GPC5: variants seen among roughly 807,000 people sequenced by gnomAD.
The protein encoded by GPC5 is glypican 5.
Under a neutral mutation model 53.9 loss-of-function variants are expected in GPC5, and 47 were observed. That is an observed-to-expected ratio of 0.87 (90% confidence interval 0.69 to 1.11). GPC5 has a LOEUF of 1.11. Among genes scored for constraint, GPC5 ranks in the 50% most tolerant of loss-of-function variants. The pLI, the probability that GPC5 is intolerant of heterozygous loss-of-function variation, is 0.00. For missense variants in GPC5, 748 were observed against 713.1 expected (o/e 1.05, Z -0.56); for synonymous variants, 286 against 263.3 (o/e 1.09, Z -0.84).
At chr13:92,100,785 A>T (rs192724158) in intron 6 of GPC5, among the ~76,000 whole-genome samples, 27 of 152,316 alleles carry the variant, frequency 1.8e-4, no homozygotes, top group African/African-American at 6.5e-4. Flanking sequence ...ATTGAAAGTC[A>T]GGTTGTGCTA....
intron 7 of GPC5, among the ~76,000 whole-genome samples, chr13:92,580,364 A>G (rs1883331914): frequency 6.6e-6 from 1 of 152,222 alleles, no homozygotes; most frequent in Non-Finnish European, 1.5e-5. Context: ...TGAGTTGCAC[A>G]CTGAAGTAGC....
chr13:91,485,483 G>T (rs904885333), intron 2 of GPC5, among the ~76,000 whole-genome samples: 2 of 152,144 alleles, frequency 1.3e-5, no homozygotes, highest in Non-Finnish European at 2.9e-5. Context: ...CTCCCAAAGT[G>T]CTGGGATTAC....
chr13:92,715,349 A>G (rs1158933553), intron 7 of GPC5, among the ~76,000 whole-genome samples: 4 of 152,198 alleles, frequency 2.6e-5, no homozygotes, highest in Non-Finnish European at 4.4e-5. Flanking sequence ...AACTAATTCC[A>G]CAAGTCTATT....
chr13:91,841,386 G>C (rs2038786212), intron 5 of GPC5, among the ~76,000 whole-genome samples: 1 of 150,006 alleles, frequency 6.7e-6, no homozygotes, highest in South Asian at 2.1e-4. Context: ...AAATATCTTA[G>C]GCCAGCAAAG....
At chr13:91,406,076 T>A (rs376112775) in intron 1 of GPC5, among the ~76,000 whole-genome samples, 3 of 152,294 alleles carry the variant, frequency 2.0e-5, no homozygotes, top group African/African-American at 4.8e-5. Flanking sequence ...CTGGCCCTAA[T>A]TGAAATTTGA....
intron 7 of GPC5, among the ~76,000 whole-genome samples, chr13:92,675,816 G>C (rs1886919592): frequency 6.6e-6 from 1 of 152,098 alleles, no homozygotes; most frequent in Admixed American, 6.6e-5. Context: ...CTTATGCCAT[G>C]AACAAGCAGG....
chr13:91,910,426 T>C (rs563741112), intron 6 of GPC5, among the ~76,000 whole-genome samples: 2 of 152,340 alleles, frequency 1.3e-5, no homozygotes, highest in African/African-American at 2.4e-5. Context: ...TCTATAGATT[T>C]AGATGATCAC....
At chr13:92,628,266 T>G (rs1316543917) in intron 7 of GPC5, among the ~76,000 whole-genome samples, 4 of 37,000 alleles carry the variant, frequency 1.1e-4, no homozygotes, top group Admixed American at 3.3e-4. Flanking sequence ...TTTTCTTTCT[T>G]TTTTTTTTTT....
chr13:91,702,905 G>A (rs1055975065), intron 3 of GPC5, among the ~76,000 whole-genome samples: 1 of 151,908 alleles, frequency 6.6e-6, no homozygotes, highest in Admixed American at 6.6e-5. Flanking sequence ...GAATGGGATT[G>A]TTTTCTTGAT....
intron 7 of GPC5, among the ~76,000 whole-genome samples, chr13:92,425,480 G>A (rs2139367678): frequency 6.6e-6 from 1 of 152,048 alleles, no homozygotes; most frequent in Non-Finnish European, 1.5e-5. Context: ...CTATGGCAAA[G>A]ATTCTATTTT....
rs767196769 is a variant in GPC5, at chr13:92,517,113, C to T, written c.1562-349169C>T. On this transcript the variant is annotated intron_variant, in intron 7 of 7. Coordinates refer to ENST00000377067, the MANE Select transcript of GPC5 (RefSeq NM_004466.6). Reference sequence around the variant, plus strand: ...ATCAGTCTGAGATCCAACTGCAAGGCGGCAGTGAGGCTGGGGGAGGGGCTC... The same window carrying T: ...ATCAGTCTGAGATCCAACTGCAAGGTGGCAGTGAGGCTGGGGGAGGGGCTC... Among the ~76,000 whole-genome samples the T allele has an allele frequency of 3.2e-4, 49 of 152,066 alleles. 1 individual carries two copies. The highest frequency in any genetic ancestry group is 8.7e-4 in the African/African-American group (36 of 41,410).
intron 5 of GPC5, among the ~76,000 whole-genome samples, chr13:91,897,015 T>TTCC (rs1206703055): frequency 3.1e-5 from 2 of 65,352 alleles, no homozygotes; most frequent in Non-Finnish European, 5.7e-5. Flanking sequence ...ACTCCTCCTC[T>TTCC]TCCTCTTCTT....
intron 7 of GPC5, among the ~76,000 whole-genome samples, chr13:92,791,055 A>T (rs1484137007): frequency 1.3e-5 from 2 of 152,088 alleles, no homozygotes; most frequent in Non-Finnish European, 2.9e-5. Context: ...AAAATATTTG[A>T]AATATTTATT....
At chr13:91,507,347 G>A (rs138673371) in intron 2 of GPC5, among the ~76,000 whole-genome samples, 3 of 152,268 alleles carry the variant, frequency 2.0e-5, no homozygotes, top group South Asian at 2.1e-4. Context: ...AGACATACCC[G>A]AGACTGGGTA....
intron 7 of GPC5, among the ~76,000 whole-genome samples, chr13:92,862,564 T>C (rs1462774458): frequency 6.6e-6 from 1 of 152,088 alleles, no homozygotes; most frequent in Non-Finnish European, 1.5e-5. Context: ...GATATATAGA[T>C]ATTTGACTCG....
chr13:92,866,394 A>AT lies in GPC5; in HGVS notation c.1676dup (p.Thr560HisfsTer25). On this transcript the variant is annotated frameshift_variant, in exon 8 of 8. Coordinates refer to ENST00000377067, the MANE Select transcript of GPC5 (RefSeq NM_004466.6). LOFTEE classifies it high-confidence loss of function. ...GTGCAGTGGCGACTGAATCTATGAC[A>AT]TTCACTCTGATAAGTGTGGTGATGT... 4 of 1,611,730 alleles carry AT rather than the reference A, an allele frequency of 2.5e-6. No homozygotes were observed. The highest frequency in any genetic ancestry group is 3.4e-6 in the Non-Finnish European group (4 of 1,178,546).
intron 2 of GPC5, among the ~76,000 whole-genome samples, chr13:91,530,788 C>A (rs955389595): frequency 6.6e-6 from 1 of 152,098 alleles, no homozygotes; most frequent in African/African-American, 2.4e-5. Flanking sequence ...TAAAAGTAAA[C>A]TTTGCAGCAA....
chr13:91,560,264 C>T (rs1291761744), intron 2 of GPC5, among the ~76,000 whole-genome samples: 4 of 152,202 alleles, frequency 2.6e-5, no homozygotes, highest in Middle Eastern at 3.4e-3. Flanking sequence ...GTGAGATGAC[C>T]TAGAAGATAC....
chr13:92,465,520 G>A (rs1878656825), intron 7 of GPC5, among the ~76,000 whole-genome samples: 1 of 151,892 alleles, frequency 6.6e-6, no homozygotes, highest in South Asian at 2.1e-4. Context: ...TAAAAAAATT[G>A]GGTTATCTAT....
Sources: gnomAD v4.1 joint callset for allele counts (sites outside exome capture counted in the v4.1 genomes callset) on GRCh38, gnomAD v4.1.1 for gene constraint, MANE v1.5 for transcripts, NCBI Gene and HGNC (gene_info 2026-07-23, HGNC 2026-07-21) for gene names.